MSTO1: variants seen among roughly 807,000 people sequenced by gnomAD.
MSTO1 encodes the protein misato mitochondrial distribution and morphology regulator 1.
A neutral mutation model predicts 55.7 loss-of-function variants in MSTO1; 24 were observed. The observed-to-expected ratio is 0.43, with a 90% CI of 0.31 to 0.61. The LOEUF (loss-of-function observed/expected upper bound fraction) is 0.61. Among genes scored for constraint, MSTO1 ranks in the 20% least tolerant of loss-of-function variants. MSTO1 has a pLI of 0.09. For missense variants in MSTO1, 363 were observed against 625.7 expected, an observed-to-expected ratio of 0.58 and a Z score of 4.48; for synonymous variants, 162 against 252.8, an observed-to-expected ratio of 0.64 and a Z score of 3.41.
At chr1:155,599,406 G>T in the MSTO1 span, among the ~76,000 whole-genome samples, 1 of 151,838 alleles carries the variant, frequency 6.6e-6, no homozygotes, top group East Asian at 1.9e-4. Flanking sequence ...TCACCACGGG[G>T]TTTTTTTTGT....
chr1:155,609,108 T>C (rs1481096971), upstream of MSTO1, among the ~76,000 whole-genome samples: 2 of 151,076 alleles, frequency 1.3e-5, no homozygotes, highest in Non-Finnish European at 2.9e-5. Flanking sequence ...ATTACAGGCG[T>C]AAACTACCGC....
upstream of MSTO1, chr1:155,610,208 C>G (rs1558254216): frequency 2.8e-6 from 2 of 715,082 alleles, no homozygotes; most frequent in Non-Finnish European, 4.7e-6. Flanking sequence ...GAGCAGCGAG[C>G]GGCGCGGCTG....
chr1:155,571,920 T>C, the MSTO1 span, among the ~76,000 whole-genome samples: 1 of 151,860 alleles, frequency 6.6e-6, no homozygotes, highest in East Asian at 1.9e-4. Context: ...CAGACACCTA[T>C]AATCCCAGCT....
At chr1:155,604,971 C>A in the MSTO1 span, among the ~76,000 whole-genome samples, 1 of 150,440 alleles carries the variant, frequency 6.6e-6, no homozygotes, top group African/African-American at 2.4e-5. Context: ...TTAAAACAGA[C>A]AATATTGGGC....
At chr1:155,604,116 G>A in the MSTO1 span, among the ~76,000 whole-genome samples, 27 of 152,102 alleles carry the variant, frequency 1.8e-4, no homozygotes, top group African/African-American at 6.3e-4. Flanking sequence ...GTTCTACAAA[G>A]TAGAAAATAC....
At chr1:155,572,042 CAAA>C in the MSTO1 span, among the ~76,000 whole-genome samples, 19 of 77,722 alleles carry the variant, frequency 2.4e-4, no homozygotes, top group Admixed American at 1.4e-4. Flanking sequence ...ACTCTTGTCT[CAAA>C]AAAAAAAAAA....
chr1:155,612,785 C>T, intron 9 of MSTO1, 59 bp from the exon 10 acceptor site: 2 of 1,599,904 alleles, frequency 1.3e-6, no homozygotes, highest in South Asian at 1.1e-5. Flanking sequence ...TAATATTCTG[C>T]CTCCACACAT....
At position 155,614,437 on chromosome 1, in the gene MSTO1, T is replaced by C. The variant is rs1224247344; in HGVS notation, c.*164T>C. On this transcript the variant is annotated 3_prime_UTR_variant, in exon 14 of 14. Transcript: ENST00000245564. ...TGATTAGACCACAGAACAATAAATA[T>C]GTGCCATCAGACCAAAAAAAAGTAG... The C allele has an allele frequency of 5.0e-6, 3 of 596,340 alleles. No homozygotes were observed. Among genetic ancestry groups the C allele is most frequent in the Admixed American group, 3.0e-5 (1 of 33,720 alleles). The allele number at this position is 596,340 out of a possible 1,614,324, so 36.9% of individuals were successfully genotyped here.
chr1:155,607,822 C>A (rs1224409424), upstream of MSTO1, among the ~76,000 whole-genome samples: 5 of 152,124 alleles, frequency 3.3e-5, no homozygotes, highest in African/African-American at 7.2e-5. Context: ...GATGGTGAAA[C>A]CCCTTCTGTA....
chr1:155,563,293 C>T, the MSTO1 span: 7 of 455,936 alleles, frequency 1.5e-5, no homozygotes, highest in Non-Finnish European at 2.2e-5. Flanking sequence ...CGGTGTGTGC[C>T]GGTCGCCTAG....
At chr1:155,585,522 C>CAAAA in the MSTO1 span, among the ~76,000 whole-genome samples, 1 of 56,912 alleles carries the variant, frequency 1.8e-5, no homozygotes, top group African/African-American at 5.9e-5. Context: ...GACTCCGTCT[C>CAAAA]AAAAAAAAAA....
At chr1:155,609,601 C>G (rs1673405332), upstream of MSTO1, among the ~76,000 whole-genome samples, 1 of 151,930 alleles carries the variant, frequency 6.6e-6, no homozygotes, top group Non-Finnish European at 1.5e-5. Flanking sequence ...TGGACTATTC[C>G]GCAGTGATGA....
At chr1:155,601,677 C>T in the MSTO1 span, among the ~76,000 whole-genome samples, 1 of 152,066 alleles carries the variant, frequency 6.6e-6, no homozygotes, top group African/African-American at 2.4e-5. Flanking sequence ...AGTCATTTCC[C>T]ATAACTTAAA....
chr1:155,601,108 C>T, the MSTO1 span, among the ~76,000 whole-genome samples: 2 of 150,816 alleles, frequency 1.3e-5, no homozygotes, highest in Non-Finnish European at 3.0e-5. Context: ...CTTGAGCCAC[C>T]GCACCCAGCC....
At chr1:155,585,522 C>CAAAAAA in the MSTO1 span, among the ~76,000 whole-genome samples, 4 of 56,904 alleles carry the variant, frequency 7.0e-5, no homozygotes, top group South Asian at 6.1e-4. Flanking sequence ...GACTCCGTCT[C>CAAAAAA]AAAAAAAAAA....
chr1:155,575,608 A>G, the MSTO1 span, among the ~76,000 whole-genome samples: 1 of 151,488 alleles, frequency 6.6e-6, no homozygotes, highest in Non-Finnish European at 1.5e-5. Flanking sequence ...GCACCTGGCT[A>G]ATTTTTTAAA....
At chr1:155,599,922 C>A in the MSTO1 span, among the ~76,000 whole-genome samples, 1 of 152,278 alleles carries the variant, frequency 6.6e-6, no homozygotes, top group African/African-American at 2.4e-5. Context: ...ACCTCCAGCC[C>A]TAAGGCGGTT....
chr1:155,567,661 C>G, the MSTO1 span, among the ~76,000 whole-genome samples: 1 of 151,516 alleles, frequency 6.6e-6, no homozygotes. Flanking sequence ...GTCTTGAACT[C>G]CTGGCCTTAG....
At chr1:155,568,166 G>A in the MSTO1 span, among the ~76,000 whole-genome samples, 1 of 150,322 alleles carries the variant, frequency 6.7e-6, no homozygotes, top group Non-Finnish European at 1.5e-5. Context: ...TGCAACCTCC[G>A]CCTCTTGGGT....
Sources: allele counts gnomAD v4.1 joint callset (sites outside exome capture counted in the v4.1 genomes callset), GRCh38; gene constraint gnomAD v4.1.1; transcripts MANE v1.5; gene names NCBI Gene and HGNC (gene_info 2026-07-23, HGNC 2026-07-21).